Variants in ABHD12 observed in about 807,000 individuals in gnomAD.
ABHD12 encodes lysophosphatidylserine lipase ABHD12.
A neutral mutation model predicts 58.3 loss-of-function variants in ABHD12; 43 were observed. The ratio of observed to expected loss-of-function variants is 0.74; its 90% CI spans 0.58 to 0.95. The LOEUF (loss-of-function observed/expected upper bound fraction) is 0.95. Ranked by LOEUF, ABHD12 falls within the 40% of genes least tolerant of loss-of-function variation. ABHD12 has a pLI of 0.00. For missense variants in ABHD12, 539 were observed against 537.2 expected, an observed-to-expected ratio of 1.00 and a Z score of -0.03; for synonymous variants, 219 against 211.2, an observed-to-expected ratio of 1.04 and a Z score of -0.32.
At chr20:25,297,642 C>T (rs7019), downstream of ABHD12, 61,568 of 152,268 alleles carry the variant, frequency 0.4, 13,547 homozygotes, top group East Asian at 0.92. Flanking sequence ...CAACCTGCCT[C>T]CCATTGCCCA....
At position 25,303,588 on chromosome 20, in the gene ABHD12, C is replaced by T. The variant is rs767673724; in HGVS notation, c.991G>A (p.Glu331Lys). 6.2e-7 allele frequency: 1 copy of T among 1,613,846 alleles called. No individual in the cohort carries two copies. Among genetic ancestry groups the T allele is most frequent in the South Asian group, 1.1e-5 (1 of 91,074 alleles). The change falls in exon 11 of 13, where the codon GAG (glutamate) becomes AAG (lysine). Residue 331 changes from glutamate to lysine, a missense_variant. Physicochemically the swap from Glu to Lys is moderately conservative, Grantham distance 56. Transcript: ENST00000339157. ...TGGAAGGGCACCACCGGGTCGTCCT[C>T]AGCGTGCAGGATGAGCAGGGGACAG... ...ISCPLLILHA[E>K]DDPVVPFQLG...
intron 1 of ABHD12, among the ~76,000 whole-genome samples, chr20:25,360,015 A>G (rs953930631): frequency 2.6e-5 from 4 of 151,794 alleles, no homozygotes; most frequent in African/African-American, 9.7e-5. Context: ...TTTCTACTCT[A>G]TTCATCTTTT....
Position 25,302,289 on chromosome 20 carries a change from G to C in ABHD12, c.1087C>G (p.Pro363Ala), listed in dbSNP as rs771364543. ...CTGTAGCCAAGGTCTGAATGAAAGG[G>C]CACAAACTGAACTTTGAAATCTCGG... ...SFRDFKVQFV[P>A]FHSDLGYRHK... The change falls in exon 12 of 13, where the codon CCC (proline) becomes GCC (alanine). Residue 363 changes from proline (P) to alanine (A), a missense_variant. By Grantham distance (27) the Pro-to-Ala change is conservative (BLOSUM62 -1). Transcript: ENST00000339157. 1 of 1,613,874 alleles carries C rather than the reference G, an allele frequency of 6.2e-7. No individual in the cohort carries two copies. The highest frequency in any genetic ancestry group is 8.5e-7 in the Non-Finnish European group (1 of 1,180,004).
chr20:25,353,502 C>T (rs139084835), intron 1 of ABHD12, among the ~76,000 whole-genome samples: 106 of 152,304 alleles, frequency 7.0e-4, no homozygotes, highest in African/African-American at 2.5e-3. Context: ...TTATGCAGCA[C>T]TCAGGAGGGC....
chr20:25,307,042 C>T, intron 9 of ABHD12, 127 bp from the exon 10 acceptor site: 1 of 718,010 alleles, frequency 1.4e-6, no homozygotes. Flanking sequence ...CCTAAGGGAG[C>T]AGGGGTGACA....
In ABHD12 at chr20:25,390,743, G is replaced by A. The variant is rs1482719936; in HGVS notation, c.-40C>T. ...GGCCAGCCGCCGACGGCGCCCGCTG[G>A]CCTGCGCCGCAGTGCCGCCGCTCAC... On this transcript the variant is annotated 5_prime_UTR_variant, in exon 1 of 13. Coordinates refer to ENST00000339157, the MANE Select transcript of ABHD12 (RefSeq NM_001042472.3). The A allele has an allele frequency of 4.5e-6, 5 of 1,122,704 alleles. No homozygotes were observed. The East Asian group carries it at 1.4e-4, about 32-fold the overall frequency. 69.5% of individuals were successfully genotyped at this position (1,122,704 alleles called of 1,614,324 possible). A position where few individuals can be genotyped will look rare whatever the true frequency, so the allele number is the denominator to read the frequency against.
intron 2 of ABHD12, among the ~76,000 whole-genome samples, chr20:25,331,518 T>G (rs1448666191): frequency 2.7e-5 from 4 of 150,072 alleles, no homozygotes; most frequent in Admixed American, 2.6e-4. Context: ...TTCACGAAAG[T>G]TGAAATGAAG....
chr20:25,296,551 G>T, downstream of ABHD12: 2 of 1,589,282 alleles, frequency 1.3e-6, no homozygotes, highest in South Asian at 1.1e-5. Flanking sequence ...GGACCAGCGG[G>T]CATTTGTTTT....
At chr20:25,361,455 G>T (rs139806409) in intron 1 of ABHD12, among the ~76,000 whole-genome samples, 1 of 152,112 alleles carries the variant, frequency 6.6e-6, no homozygotes, top group Non-Finnish European at 1.5e-5. Context: ...GAGTGCAGTG[G>T]TGCGATCTCA....
intron 1 of ABHD12, among the ~76,000 whole-genome samples, chr20:25,359,656 A>G (rs1302629697): frequency 6.6e-6 from 1 of 151,554 alleles, no homozygotes; most frequent in East Asian, 2.0e-4. Context: ...TGCAACCTCC[A>G]TCTCCCAGGT....
intron 7 of ABHD12, among the ~76,000 whole-genome samples, chr20:25,309,202 G>A (rs1366911934): frequency 1.3e-5 from 2 of 152,040 alleles, no homozygotes; most frequent in Non-Finnish European, 2.9e-5. Context: ...AGTCTCCCTA[G>A]GGAGACCCCT....
intron 11 of ABHD12, 104 bp from the exon 12 acceptor site, chr20:25,302,450 A>G (rs543440298): frequency 6.8e-7 from 1 of 1,459,992 alleles, no homozygotes; most frequent in South Asian, 1.1e-5. Context: ...ACCAGTCCAG[A>G]GTCCCACATA....
intron 10 of ABHD12, among the ~76,000 whole-genome samples, chr20:25,304,973 C>A (rs932322283): frequency 4.7e-5 from 7 of 150,314 alleles, no homozygotes; most frequent in African/African-American, 1.7e-4. Flanking sequence ...CTCACTGCAA[C>A]CTCCGCCTCC....
downstream of ABHD12, among the ~76,000 whole-genome samples, chr20:25,299,061 T>G (rs544880846): frequency 1.1e-4 from 16 of 147,522 alleles, no homozygotes; most frequent in East Asian, 3.1e-3. Flanking sequence ...TGCCACACAG[T>G]GCACCCTTCT....
intron 1 of ABHD12, chr20:25,368,423 G>A (rs1176771667): frequency 6.3e-7 from 1 of 1,598,856 alleles, no homozygotes; most frequent in Non-Finnish European, 8.5e-7. Context: ...AGTCTTGGCA[G>A]TGCAGATGAA....
At chr20:25,321,380 C>T (rs1025111592) in intron 3 of ABHD12, among the ~76,000 whole-genome samples, 2 of 152,254 alleles carry the variant, frequency 1.3e-5, no homozygotes, top group Non-Finnish European at 2.9e-5. Context: ...CCCCCAGGCT[C>T]CACTCTAGGC....
chr20:25,364,994 A>G (rs1321112170), intron 1 of ABHD12, among the ~76,000 whole-genome samples: 1 of 152,144 alleles, frequency 6.6e-6, no homozygotes, highest in Non-Finnish European at 1.5e-5. Context: ...TGGGGGCTAC[A>G]TTTCCCAGCT....
At chr20:25,331,238 G>C (rs1047134644) in intron 2 of ABHD12, among the ~76,000 whole-genome samples, 1 of 152,148 alleles carries the variant, frequency 6.6e-6, no homozygotes, top group Non-Finnish European at 1.5e-5. Flanking sequence ...AATGAAGCAA[G>C]AAGGGAAGTT....
chr20:25,306,186 A>C (rs993905933), intron 10 of ABHD12, among the ~76,000 whole-genome samples: 39 of 152,244 alleles, frequency 2.6e-4, no homozygotes, highest in Middle Eastern at 3.4e-3. Flanking sequence ...AAAACAAAAA[A>C]AAAAAAAAGA....
Sources: gnomAD v4.1 joint callset for allele counts (sites outside exome capture counted in the v4.1 genomes callset) on GRCh38, gnomAD v4.1.1 for gene constraint, MANE v1.5 for transcripts, NCBI Gene and HGNC (gene_info 2026-07-23, HGNC 2026-07-21) for gene names.